ZNF333: variants seen among roughly 807,000 people sequenced by gnomAD.
The protein encoded by ZNF333 is zinc finger protein 333.
A neutral mutation model predicts 76.1 loss-of-function variants in ZNF333; 61 were observed. The observed-to-expected ratio is 0.80, with a 90% confidence interval of 0.65 to 0.99. ZNF333 has a LOEUF of 0.99. Ranked by LOEUF, ZNF333 falls within the 50% of genes least tolerant of loss-of-function variation. ZNF333 has a pLI of 0.00. For synonymous variants in ZNF333, 284 were observed against 305.0 expected, an observed-to-expected ratio of 0.93 and a Z score of 0.72; for missense variants, 717 against 822.4, an observed-to-expected ratio of 0.87 and a Z score of 1.57.
At chr19:14,717,534 C>T in intron 10 of ZNF333, 123 bp from the exon 11 acceptor site, 1 of 757,832 alleles carries the variant, frequency 1.3e-6, no homozygotes, top group East Asian at 2.6e-5. Context: ...CAATTTCTTC[C>T]CGTACATAGG....
chr19:14,703,446 G>A (rs1427759072), intron 5 of ZNF333, among the ~76,000 whole-genome samples: 2 of 152,190 alleles, frequency 1.3e-5, no homozygotes, highest in South Asian at 2.1e-4. Context: ...GTTTCTTTAA[G>A]TTGAGTGACC....
intron 6 of ZNF333, among the ~76,000 whole-genome samples, chr19:14,705,682 T>G (rs2042088718): frequency 6.6e-6 from 1 of 152,226 alleles, no homozygotes. Context: ...GGAACCAGGC[T>G]GCAGAGCAGG....
At chr19:14,722,626 A>T (rs1257492023), downstream of ZNF333, among the ~76,000 whole-genome samples, 1 of 152,180 alleles carries the variant, frequency 6.6e-6, no homozygotes, top group Non-Finnish European at 1.5e-5. Flanking sequence ...AGTCCAACTT[A>T]TAGATATTTT....
Position 14,718,446 on chromosome 19 carries a change from A to T in ZNF333, c.1119A>T (p.Lys373Asn). 6.2e-7 allele frequency: 1 copy of T among 1,614,208 alleles called. No homozygotes were observed. Among genetic ancestry groups the T allele is most frequent in the Non-Finnish European group, 8.5e-7 (1 of 1,180,040 alleles). The change falls in exon 12 of 12, where the codon AAA becomes AAT. Residue 373 changes from lysine (K) to asparagine (N), a missense_variant. By Grantham distance (94) the Lys-to-Asn change is moderately conservative (BLOSUM62 0). Coordinates refer to ENST00000292530, the MANE Select transcript of ZNF333 (RefSeq NM_032433.4). ...CCTATGCATGTAACAAATGTGAAAA[A>T]TCCTTCAGATACAGCTCTGACCTTA... ...DKSYACNKCE[K>N]SFRYSSDLIR...
At position 14,720,063 on chromosome 19, in the gene ZNF333, G is replaced by A; in HGVS notation, c.*738G>A. On this transcript the variant is annotated 3_prime_UTR_variant, in exon 12 of 12. Transcript: ENST00000292530. ...TAGCCAAGTTTGGTGGCATGCACCTGTAATCCCAGCTACTTGGGAGGCTGA... is the reference window on the plus strand; with the variant it reads ...TAGCCAAGTTTGGTGGCATGCACCTATAATCCCAGCTACTTGGGAGGCTGA... 1 of 738,444 alleles carries A rather than the reference G, an allele frequency of 1.4e-6. No individual in the cohort carries two copies. 45.7% of individuals were successfully genotyped at this position (738,444 alleles called of 1,614,324 possible).
intron 5 of ZNF333, among the ~76,000 whole-genome samples, chr19:14,703,202 CAA>C (rs35839207): frequency 8.2e-5 from 6 of 73,078 alleles, no homozygotes; most frequent in African/African-American, 2.1e-4. Flanking sequence ...GACTCCGTCT[CAA>C]AAAAAAAAAA....
At chr19:14,710,720 G>T (rs1232734213) in intron 7 of ZNF333, among the ~76,000 whole-genome samples, 5 of 152,220 alleles carry the variant, frequency 3.3e-5, no homozygotes, top group Non-Finnish European at 2.9e-5. Context: ...GGAGGTTGCA[G>T]TGAACCAAGA....
exon 12 of ZNF333, chr19:14,731,526 C>G: frequency 3.4e-6 from 1 of 296,528 alleles, no homozygotes; most frequent in Non-Finnish European, 6.2e-6. Context: ...CACAGTGGAC[C>G]CCCACGGTGG....
chr19:14,698,170 C>T (rs370371514), intron 4 of ZNF333, among the ~76,000 whole-genome samples: 4 of 151,402 alleles, frequency 2.6e-5, no homozygotes, highest in South Asian at 2.1e-4. Flanking sequence ...GTCAGGAGTT[C>T]GAGACCAGCC....
chr19:14,701,220 A>G (rs2146967709), intron 5 of ZNF333, among the ~76,000 whole-genome samples: 1 of 152,282 alleles, frequency 6.6e-6, no homozygotes, highest in South Asian at 2.1e-4. Flanking sequence ...GCCTCATTAC[A>G]GAACATCCTT....
At chr19:14,692,228 G>C (rs1208395137) in intron 1 of ZNF333, among the ~76,000 whole-genome samples, 3 of 152,200 alleles carry the variant, frequency 2.0e-5, no homozygotes, top group African/African-American at 7.2e-5. Flanking sequence ...GGAGAACTTG[G>C]GGAGGATGTC....
At chr19:14,715,978 C>T (rs541335582) in intron 8 of ZNF333, 134 bp from the exon 9 acceptor site, 1 of 1,440,912 alleles carries the variant, frequency 6.9e-7, no homozygotes, top group African/African-American at 1.4e-5. Flanking sequence ...GGGCCAGATT[C>T]TGCGGGATCT....
At chr19:14,693,139 A>G (rs1389964243) in intron 1 of ZNF333, among the ~76,000 whole-genome samples, 1 of 152,194 alleles carries the variant, frequency 6.6e-6, no homozygotes, top group Admixed American at 6.5e-5. Flanking sequence ...ACAGTTGGAG[A>G]GAGAGAGGCC....
chr19:14,717,835 C>A, intron 11 of ZNF333, 102 bp downstream of exon 11: 1 of 1,180,414 alleles, frequency 8.5e-7, no homozygotes, highest in South Asian at 1.3e-5. Context: ...CGATTCGAGG[C>A]AAGAAGTGTT....
intron 11 of ZNF333, 108 bp downstream of exon 11, chr19:14,717,841 G>A (rs1438838990): frequency 9.0e-7 from 1 of 1,106,018 alleles, no homozygotes; most frequent in African/African-American, 1.6e-5. Flanking sequence ...GAGGCAAGAA[G>A]TGTTTACCCA....
intron 9 of ZNF333, 29 bp from the exon 10 acceptor site, chr19:14,716,965 C>T (rs1374054935): frequency 6.3e-7 from 1 of 1,590,666 alleles, no homozygotes; most frequent in East Asian, 2.3e-5. Flanking sequence ...ACAGTCCTCG[C>T]ACAACATGTG....
chr19:14,699,050 A>C (rs978246235), intron 4 of ZNF333, 149 bp from the exon 5 acceptor site: 5 of 549,806 alleles, frequency 9.1e-6, no homozygotes, highest in Non-Finnish European at 1.3e-5. Context: ...TCGGTATTAA[A>C]ATTTGAATAT....
At chr19:14,713,800 A>G (rs1693734340) in intron 7 of ZNF333, among the ~76,000 whole-genome samples, 1 of 152,064 alleles carries the variant, frequency 6.6e-6, no homozygotes, top group Non-Finnish European at 1.5e-5. Context: ...CTCTAAAAAA[A>G]TAAAAAAAAA....
intron 5 of ZNF333, chr19:14,701,961 G>A (rs1036590157): frequency 1.1e-6 from 1 of 951,646 alleles, no homozygotes; most frequent in Non-Finnish European, 1.3e-6. Context: ...CAGCTGTCAG[G>A]TTCTACTGCC....
Sources: allele counts gnomAD v4.1 joint callset (sites outside exome capture counted in the v4.1 genomes callset), GRCh38; gene constraint gnomAD v4.1.1; transcripts MANE v1.5; gene names NCBI Gene and HGNC (gene_info 2026-07-23, HGNC 2026-07-21).